Variants in HOMER1 observed in about 807,000 individuals in gnomAD.
The protein encoded by HOMER1 is homer protein homolog 1.
A neutral mutation model predicts 48.9 loss-of-function variants in HOMER1; 3 were observed. That is an observed-to-expected ratio of 0.06 (90% CI 0.03 to 0.16). HOMER1 has a LOEUF of 0.16. HOMER1 is among the 10% of genes least tolerant of loss of function. The pLI is 1.00. For missense variants in HOMER1, 247 were observed against 411.4 expected (o/e 0.60, Z 3.46); for synonymous variants, 134 against 146.4 (o/e 0.92, Z 0.61).
intron 1 of HOMER1, among the ~76,000 whole-genome samples, chr5:79,464,673 A>G (rs1751406374): frequency 6.6e-6 from 1 of 152,158 alleles, no homozygotes; most frequent in Non-Finnish European, 1.5e-5. Flanking sequence ...TTTCTCATAC[A>G]TATATCCTAC....
At chr5:79,396,747 G>T in intron 8 of HOMER1, 76 bp downstream of exon 8, 1 of 750,560 alleles carries the variant, frequency 1.3e-6, no homozygotes, top group South Asian at 2.0e-5. Flanking sequence ...TGGAGTCTCA[G>T]AAAAAAAGTC....
intron 1 of HOMER1, among the ~76,000 whole-genome samples, chr5:79,457,317 C>A (rs1287867134): frequency 6.6e-6 from 1 of 152,198 alleles, no homozygotes; most frequent in African/African-American, 2.4e-5. Context: ...CAGACACACA[C>A]AGGGCAGTGC....
At chr5:79,437,164 T>C (rs1274599764) in intron 5 of HOMER1, among the ~76,000 whole-genome samples, 1 of 152,136 alleles carries the variant, frequency 6.6e-6, no homozygotes, top group East Asian at 1.9e-4. Flanking sequence ...TTAGAAAATT[T>C]TAGGTGCATA....
chr5:79,497,344 G>C (rs183420205), intron 1 of HOMER1, among the ~76,000 whole-genome samples: 18 of 151,966 alleles, frequency 1.2e-4, no homozygotes, highest in Admixed American at 1.2e-3. Flanking sequence ...AGTTGTCTTG[G>C]ATATTTTCCC....
In HOMER1 at chr5:79,456,843, C is replaced by A. The variant is rs76787680; in HGVS notation, c.162+19G>T. On this transcript the variant is annotated intron_variant, in intron 2 of 8. Transcript: ENST00000334082. ...AAAAAGCAAAACCAGCCAAATCATTCAAAGTAAACGTAGCTTACCTTTGAG... is the reference window on the plus strand; with the variant it reads ...AAAAAGCAAAACCAGCCAAATCATTAAAAGTAAACGTAGCTTACCTTTGAG... 789 of 1,600,508 alleles carry A rather than the reference C, an allele frequency of 4.9e-4. No individual in the cohort carries two copies. Among genetic ancestry groups the A allele is most frequent in the Non-Finnish European group, 6.5e-4 (758 of 1,170,576 alleles).
intron 8 of HOMER1, among the ~76,000 whole-genome samples, chr5:79,396,616 A>C (rs980255652): frequency 2.6e-5 from 4 of 152,132 alleles, no homozygotes; most frequent in Non-Finnish European, 5.9e-5. Context: ...ACAATTTATA[A>C]ATGACCATCT....
At chr5:79,501,443 T>C (rs1170024297) in intron 1 of HOMER1, among the ~76,000 whole-genome samples, 1 of 152,204 alleles carries the variant, frequency 6.6e-6, no homozygotes, top group Non-Finnish European at 1.5e-5. Flanking sequence ...AAGGTAAATG[T>C]GAGTTGGTGG....
At chr5:79,408,870 G>A (rs1375754544) in intron 5 of HOMER1, among the ~76,000 whole-genome samples, 2 of 151,998 alleles carry the variant, frequency 1.3e-5, no homozygotes, top group African/African-American at 4.8e-5. Context: ...ATCACTTGAG[G>A]CCAGGAGTTT....
chr5:79,407,060 G>C (rs1293453856), intron 5 of HOMER1, among the ~76,000 whole-genome samples: 1 of 152,208 alleles, frequency 6.6e-6, no homozygotes, highest in African/African-American at 2.4e-5. Flanking sequence ...TGAGTGTCGA[G>C]CAGTGAGTAG....
chr5:79,377,526 T>C (rs571896096), intron 8 of HOMER1, among the ~76,000 whole-genome samples: 2 of 152,204 alleles, frequency 1.3e-5, no homozygotes, highest in Admixed American at 6.5e-5. Flanking sequence ...CATTAAGATA[T>C]ATAAACTATA....
intron 5 of HOMER1, among the ~76,000 whole-genome samples, chr5:79,403,480 C>G (rs1333005812): frequency 3.3e-5 from 5 of 152,084 alleles, no homozygotes; most frequent in Non-Finnish European, 7.4e-5. Flanking sequence ...AGTATTCTTG[C>G]AATAAATGCG....
chr5:79,512,880 C>T lies in HOMER1; in HGVS notation c.-106G>A. ...TTCGCAGTTGCTTTTCCACCCCCAC[C>T]CCCAGATCCTTGTCCGGAGGTATTT... On this transcript the variant is annotated 5_prime_UTR_variant, in exon 1 of 9. Transcript: ENST00000334082. 1.0e-6 allele frequency: 1 copy of T among 999,464 alleles called. No individual in the cohort carries two copies. The highest frequency in any genetic ancestry group is 2.4e-5 in the East Asian group (1 of 41,120). 61.9% of individuals were successfully genotyped at this position (999,464 alleles called of 1,614,324 possible). A position where few individuals can be genotyped will look rare whatever the true frequency, so the allele number is the denominator to read the frequency against.
chr5:79,505,511 C>T (rs559297754), intron 1 of HOMER1, among the ~76,000 whole-genome samples: 1 of 152,254 alleles, frequency 6.6e-6, no homozygotes, highest in Non-Finnish European at 1.5e-5. Context: ...GGTAATTTTA[C>T]AGAAAGCCCT....
intron 8 of HOMER1, among the ~76,000 whole-genome samples, chr5:79,391,131 GTT>G (rs761953260): frequency 9.7e-6 from 1 of 103,524 alleles, no homozygotes; most frequent in African/African-American, 4.7e-5. Flanking sequence ...AATTTTGTGG[GTT>G]TTTTTTTTGT....
At chr5:79,378,143 C>T (rs1328148655) in intron 8 of HOMER1, among the ~76,000 whole-genome samples, 1 of 144,410 alleles carries the variant, frequency 6.9e-6, no homozygotes, top group African/African-American at 2.6e-5. Flanking sequence ...TGACTTGAAC[C>T]GGGAGGCAGA....
chr5:79,503,130 T>C (rs1222298226), intron 1 of HOMER1, among the ~76,000 whole-genome samples: 2 of 152,130 alleles, frequency 1.3e-5, no homozygotes, highest in Non-Finnish European at 2.9e-5. Flanking sequence ...TCATAACCTA[T>C]TGTTGACTGG....
chr5:79,414,666 A>G (rs1292433078), intron 5 of HOMER1, among the ~76,000 whole-genome samples: 1 of 152,118 alleles, frequency 6.6e-6, no homozygotes, highest in African/African-American at 2.4e-5. Flanking sequence ...CACATGAGCC[A>G]CTGTGCCTGG....
At chr5:79,448,839 T>G (rs1750955366) in intron 3 of HOMER1, among the ~76,000 whole-genome samples, 1 of 152,090 alleles carries the variant, frequency 6.6e-6, no homozygotes, top group African/African-American at 2.4e-5. Flanking sequence ...GGAGCCAAGT[T>G]CTGTGAGTAT....
intron 1 of HOMER1, among the ~76,000 whole-genome samples, chr5:79,511,567 G>A (rs1047291372): frequency 6.6e-6 from 1 of 152,102 alleles, no homozygotes; most frequent in Non-Finnish European, 1.5e-5. Context: ...ATAGAATGAG[G>A]TATTTTAATT....
Sources: allele counts gnomAD v4.1 joint callset (sites outside exome capture counted in the v4.1 genomes callset), GRCh38; gene constraint gnomAD v4.1.1; transcripts MANE v1.5; gene names NCBI Gene and HGNC (gene_info 2026-07-23, HGNC 2026-07-21).